The following KLRG1 variants were observed in gnomAD, a reference collection of about 807,000 sequenced individuals.
The protein encoded by KLRG1 is killer cell lectin-like receptor subfamily G member 1.
A neutral mutation model predicts 21.8 loss-of-function variants in KLRG1; 16 were observed. That is an observed-to-expected ratio of 0.73 (90% confidence interval 0.50 to 1.11). The LOEUF (loss-of-function observed/expected upper bound fraction) is 1.11. Ranked by LOEUF, KLRG1 falls within the 50% of genes most tolerant of loss-of-function variation. KLRG1 has a pLI of 0.00. For missense variants in KLRG1, 173 were observed against 218.3 expected (o/e 0.79, Z 1.31); for synonymous variants, 69 against 75.9 (o/e 0.91, Z 0.47).
At chr12:9,008,090 A>C (rs140054240) in intron 3 of KLRG1, among the ~76,000 whole-genome samples, 2 of 152,288 alleles carry the variant, frequency 1.3e-5, no homozygotes, top group Non-Finnish European at 2.9e-5. Flanking sequence ...CCTTTACCTT[A>C]AACTTGTTCC....
chr12:8,960,150 C>A (rs1205106886), intron 1 of KLRG1, among the ~76,000 whole-genome samples: 2 of 152,074 alleles, frequency 1.3e-5, no homozygotes, highest in Non-Finnish European at 2.9e-5. Context: ...TTAGGCGAGC[C>A]CCACAATTCC....
chr12:9,104,242 A>G, the KLRG1 span: 6 of 1,608,482 alleles, frequency 3.7e-6, no homozygotes, highest in Non-Finnish European at 5.1e-6. Context: ...AACTTACCCT[A>G]ACAGTAAGAG....
rs1947000667 is a variant in KLRG1 at position 8,992,448 on chromosome 12, A to G, written c.187+138A>G. 5.1e-6 allele frequency: 3 copies of G among 585,168 alleles called. No homozygotes were observed. In the South Asian group the frequency reaches 7.0e-5, roughly 14 times the overall value. 36.2% of individuals were successfully genotyped at this position (585,168 alleles called of 1,614,324 possible). On this transcript the variant is annotated intron_variant, in intron 2 of 4. Coordinates refer to ENST00000356986, the MANE Select transcript of KLRG1 (RefSeq NM_005810.4). The stretch of plus-strand genomic sequence containing the variant: ...CTGTATACAGCTATTTCCTGGGTAT[A>G]GCCTTTGACCATGTGCACTTGTGTA...
chr12:9,020,810 G>A, the KLRG1 span, among the ~76,000 whole-genome samples: 2 of 152,144 alleles, frequency 1.3e-5, no homozygotes, highest in African/African-American at 4.8e-5. Context: ...TCATATGGTA[G>A]ATGTATAGTT....
chr12:9,196,687 T>G, the KLRG1 span: 4 of 1,590,570 alleles, frequency 2.5e-6, no homozygotes, highest in South Asian at 4.4e-5. Flanking sequence ...GCTGTTAAGC[T>G]GAGAAAAATA....
chr12:9,142,438 G>A, the KLRG1 span, among the ~76,000 whole-genome samples: 1 of 152,144 alleles, frequency 6.6e-6, no homozygotes, highest in African/African-American at 2.4e-5. Flanking sequence ...ATTAATAAAT[G>A]CAAACAAAAA....
intron 1 of KLRG1, among the ~76,000 whole-genome samples, chr12:8,981,818 TGA>T (rs1374632122): frequency 6.6e-6 from 1 of 152,222 alleles, no homozygotes; most frequent in Non-Finnish European, 1.5e-5. Flanking sequence ...TATCAGTTAC[TGA>T]GAAAAGGTTT....
At chr12:9,189,283 A>G in the KLRG1 span, among the ~76,000 whole-genome samples, 1 of 152,216 alleles carries the variant, frequency 6.6e-6, no homozygotes, top group African/African-American at 2.4e-5. Flanking sequence ...ACAGCATAGT[A>G]CTTGTACAAA....
the KLRG1 span, chr12:9,068,890 C>G: frequency 7.3e-5 from 101 of 1,378,302 alleles, no homozygotes; most frequent in East Asian, 4.2e-4. Flanking sequence ...GCTTTCTTCT[C>G]TCTTTGAATT....
chr12:9,051,883 TA>T, the KLRG1 span, among the ~76,000 whole-genome samples: 1 of 152,202 alleles, frequency 6.6e-6, no homozygotes, highest in Non-Finnish European at 1.5e-5. Context: ...TCATTGCAAT[TA>T]GACAAAAATA....
chr12:8,965,693 C>T (rs1469461201), intron 1 of KLRG1, among the ~76,000 whole-genome samples: 3 of 150,502 alleles, frequency 2.0e-5, no homozygotes, highest in East Asian at 3.9e-4. Context: ...AAAGAGGACA[C>T]AAAGAAATGG....
the KLRG1 span, chr12:9,193,982 T>A: frequency 3.3e-6 from 4 of 1,194,992 alleles, no homozygotes; most frequent in East Asian, 9.6e-5. Context: ...ATCTTCTTAT[T>A]TCTTACTCTT....
At chr12:9,171,411 T>G in the KLRG1 span, among the ~76,000 whole-genome samples, 1,095 of 152,274 alleles carry the variant, frequency 7.2e-3, 15 homozygotes, top group African/African-American at 0.025. Context: ...AAAGAATTAA[T>G]TCAAAAACAA....
At chr12:8,969,856 C>T (rs772296169) in intron 1 of KLRG1, among the ~76,000 whole-genome samples, 2 of 152,306 alleles carry the variant, frequency 1.3e-5, no homozygotes, top group South Asian at 2.1e-4. Context: ...GGGCTCATGC[C>T]TGTAATCTCA....
the KLRG1 span, among the ~76,000 whole-genome samples, chr12:9,097,571 C>T: frequency 2.0e-5 from 3 of 150,898 alleles, no homozygotes; most frequent in Admixed American, 6.6e-5. Context: ...AGAGATAATA[C>T]ATATGTTCCC....
the KLRG1 span, chr12:9,166,066 C>G: frequency 7.2e-5 from 115 of 1,607,514 alleles, no homozygotes; most frequent in African/African-American, 1.5e-3. Context: ...CTGCCACCAA[C>G]TCCCAGATCC....
the KLRG1 span, among the ~76,000 whole-genome samples, chr12:9,193,163 A>C: frequency 6.6e-6 from 1 of 152,148 alleles, no homozygotes; most frequent in Non-Finnish European, 1.5e-5. Flanking sequence ...ATCCTTAGTA[A>C]ATTAGCATTT....
At chr12:9,201,491 A>C in the KLRG1 span, 5 of 611,026 alleles carry the variant, frequency 8.2e-6, no homozygotes, top group Non-Finnish European at 1.4e-5. Flanking sequence ...GAAAAATCTC[A>C]GGGAAATTAT....
At chr12:9,109,099 G>GA in the KLRG1 span, among the ~76,000 whole-genome samples, 51 of 152,054 alleles carry the variant, frequency 3.4e-4, no homozygotes, top group Admixed American at 2.7e-3. Context: ...AACCTCTCTA[G>GA]AAACAGTTTC....
Sources: allele counts gnomAD v4.1 joint callset (sites outside exome capture counted in the v4.1 genomes callset), GRCh38; gene constraint gnomAD v4.1.1; transcripts MANE v1.5; gene names NCBI Gene and HGNC (gene_info 2026-07-23, HGNC 2026-07-21).